The following CDKN2B-AS1 variants were observed in gnomAD, a reference collection of about 807,000 sequenced individuals.
CDKN2B-AS1 encodes the protein CDKN2B antisense RNA 1 (non-protein coding).
chr9:22,081,544 A>G (rs1191439843), intron 4 of CDKN2B-AS1, among the ~76,000 whole-genome samples: 1 of 152,146 alleles, frequency 6.6e-6, no homozygotes. Context: ...AGGAAAAGAG[A>G]TTTTAGGGAT....
chr9:22,060,365 C>G (rs1823764438), intron 4 of CDKN2B-AS1, among the ~76,000 whole-genome samples: 1 of 152,206 alleles, frequency 6.6e-6, no homozygotes, highest in South Asian at 2.1e-4. Flanking sequence ...AAAATGCCAC[C>G]AGTCTCTTTG....
At chr9:22,113,169 GTCAAAA>G (rs2131369443) in intron 4 of CDKN2B-AS1, among the ~76,000 whole-genome samples, 1 of 152,248 alleles carries the variant, frequency 6.6e-6, no homozygotes, top group South Asian at 2.1e-4. Flanking sequence ...AATCTCACAG[GTCAAAA>G]TCAAAGTATC....
intron 1 of CDKN2B-AS1, among the ~76,000 whole-genome samples, chr9:22,038,944 G>A (rs1163511917): frequency 6.6e-6 from 1 of 151,964 alleles, no homozygotes; most frequent in Non-Finnish European, 1.5e-5. Flanking sequence ...TTATATTGGA[G>A]TGGAACTTAC....
At chr9:22,115,586 C>T (rs1280009562) in intron 4 of CDKN2B-AS1, among the ~76,000 whole-genome samples, 1 of 152,128 alleles carries the variant, frequency 6.6e-6, no homozygotes, top group Non-Finnish European at 1.5e-5. Flanking sequence ...CTCTGCTTCA[C>T]TTAAGCTGCC....
At chr9:22,105,768 C>A (rs974270506) in intron 4 of CDKN2B-AS1, among the ~76,000 whole-genome samples, 1 of 152,100 alleles carries the variant, frequency 6.6e-6, no homozygotes, top group Admixed American at 6.6e-5. Context: ...ACTGTTGTGG[C>A]AATTTTTTGA....
intron 4 of CDKN2B-AS1, among the ~76,000 whole-genome samples, chr9:22,079,312 C>T (rs1318548180): frequency 6.6e-6 from 1 of 151,956 alleles, no homozygotes; most frequent in Non-Finnish European, 1.5e-5. Flanking sequence ...GGTGAAAACC[C>T]ATCTCTACTA....
At chr9:22,011,604 C>A (rs1821512742) in intron 1 of CDKN2B-AS1, among the ~76,000 whole-genome samples, 1 of 152,114 alleles carries the variant, frequency 6.6e-6, no homozygotes, top group Non-Finnish European at 1.5e-5. Context: ...GTAGGCTTAA[C>A]TGGAAAAAAG....
At position 22,001,649 on chromosome 9, in the gene CDKN2B-AS1, T is replaced by C. The variant is rs964860827; in HGVS notation, n.29+6488T>C. The stretch of plus-strand genomic sequence containing the variant: ...AATTAATAGGGCCTATATGTGAAAG[T>C]TACTGTGTTTCTGTAAAATGAAGTA... On this transcript the variant is annotated intron_variant and non_coding_transcript_variant, in intron 1 of 4. Coordinates refer to ENST00000650946, the Ensembl canonical transcript of CDKN2B-AS1. This position sits in a 1 kb window ranked among gnomAD's most constrained non-coding sequence, Gnocchi z 4.2. Among the ~76,000 whole-genome samples the C allele has an allele frequency of 1.3e-5, 2 of 152,140 alleles. No individual in the cohort carries two copies. The highest frequency in any genetic ancestry group is 4.8e-5 in the African/African-American group (2 of 41,442).
chr9:22,115,659 G>A (rs763441644), intron 4 of CDKN2B-AS1, among the ~76,000 whole-genome samples: 1 of 152,210 alleles, frequency 6.6e-6, no homozygotes, highest in East Asian at 1.9e-4. Context: ...GTAGCAAGGG[G>A]TGGGTGGGAC....
chr9:22,006,125 C>A lies in CDKN2B-AS1; in HGVS notation n.29+10964C>A. 6.2e-7 allele frequency: 1 copy of A among 1,611,146 alleles called. No homozygotes were observed. The highest frequency in any genetic ancestry group is 8.5e-7 in the Non-Finnish European group (1 of 1,179,842). ...CCCGGTGCAGCACCACCAGCGTGTC[C>A]AGGAAGCCCTCCCGGGCAGCATCAT... is the stretch of plus-strand genomic sequence containing the variant. On this transcript the variant is annotated intron_variant and non_coding_transcript_variant, in intron 1 of 4. Transcript: ENST00000650946. The surrounding 1 kb of genome is among the most constrained non-coding windows in gnomAD (Gnocchi z 6.4).
chr9:22,071,056 G>A (rs915230996), intron 4 of CDKN2B-AS1, among the ~76,000 whole-genome samples: 35 of 151,926 alleles, frequency 2.3e-4, no homozygotes, highest in Non-Finnish European at 4.1e-4. Flanking sequence ...CATCTGAAAC[G>A]TCTATTTCTG....
At chr9:22,094,937 G>A (rs1825222584) in intron 4 of CDKN2B-AS1, among the ~76,000 whole-genome samples, 1 of 144,170 alleles carries the variant, frequency 6.9e-6, no homozygotes, top group Non-Finnish European at 1.5e-5. Flanking sequence ...TCCCATCTTT[G>A]TGGTTTTATC....
At chr9:22,033,904 A>G (rs958921514) in intron 1 of CDKN2B-AS1, among the ~76,000 whole-genome samples, 8 of 152,178 alleles carry the variant, frequency 5.3e-5, no homozygotes, top group Non-Finnish European at 1.2e-4. Flanking sequence ...AACTACATTT[A>G]TATTGCATTG....
chr9:22,123,491 T>C (rs1283596658), intron 4 of CDKN2B-AS1, among the ~76,000 whole-genome samples: 2 of 151,916 alleles, frequency 1.3e-5, no homozygotes, highest in Admixed American at 6.6e-5. Flanking sequence ...AAAACTTCAG[T>C]AGAAGTTGGG....
At chr9:22,031,754 T>C (rs1161761467) in intron 1 of CDKN2B-AS1, among the ~76,000 whole-genome samples, 1 of 152,184 alleles carries the variant, frequency 6.6e-6, no homozygotes, top group Admixed American at 6.5e-5. Flanking sequence ...CCCCTCCACT[T>C]GAGTATCTTG....
rs1227785824 is a variant in CDKN2B-AS1, at chr9:21,996,542, A to G, written n.29+1381A>G. On this transcript the variant is annotated intron_variant and non_coding_transcript_variant, in intron 1 of 4. Coordinates refer to ENST00000650946, the Ensembl canonical transcript of CDKN2B-AS1. The surrounding 1 kb of genome is among the most constrained non-coding windows in gnomAD (Gnocchi z 5.4). ...CCACCGTGATTTTTTTCTTTATAGC[A>G]CTTAGGACGAAGAGATTATTTTACT... 6.6e-6 allele frequency among the ~76,000 whole-genome samples: 1 copy of G among 151,654 alleles called. No homozygotes were observed. The highest frequency in any genetic ancestry group is 2.4e-5 in the African/African-American group (1 of 41,226).
intron 1 of CDKN2B-AS1, among the ~76,000 whole-genome samples, chr9:22,026,686 G>T (rs1214743639): frequency 6.6e-6 from 1 of 152,194 alleles, no homozygotes; most frequent in Admixed American, 6.5e-5. Flanking sequence ...ACCTCCTGGG[G>T]TATGTTTGGG....
intron 4 of CDKN2B-AS1, among the ~76,000 whole-genome samples, chr9:22,068,624 T>A (rs181816957): frequency 4.5e-4 from 68 of 152,312 alleles, no homozygotes; most frequent in Admixed American, 3.8e-3. Context: ...TGACGTAGTG[T>A]GTGGTCTTTA....
intron 1 of CDKN2B-AS1, among the ~76,000 whole-genome samples, chr9:22,032,108 G>A (rs1822500174): frequency 6.6e-6 from 1 of 152,218 alleles, no homozygotes; most frequent in Non-Finnish European, 1.5e-5. Flanking sequence ...GTGAAGCAGA[G>A]CTATTCTCAG....
Sources: gnomAD v4.1 joint callset for allele counts (sites outside exome capture counted in the v4.1 genomes callset) on GRCh38, gnomAD v4.1.1 for gene constraint, Gnocchi (gnomAD v3.1) non-coding constraint, MANE v1.5 for transcripts, NCBI Gene and HGNC (gene_info 2026-07-23, HGNC 2026-07-21) for gene names.